GALNT13: variants seen among roughly 807,000 people sequenced by gnomAD.
GALNT13 encodes the protein polypeptide N-acetylgalactosaminyltransferase 13, also known as UDP-GalNAc:polypeptide N-acetylgalactosaminyltransferase 13.
A neutral mutation model predicts 64.2 loss-of-function variants in GALNT13; 28 were observed. That is an observed-to-expected ratio of 0.44 (90% CI 0.32 to 0.60). The LOEUF is 0.60. Ranked by LOEUF, GALNT13 falls within the 20% of genes least tolerant of loss-of-function variation. The probability of loss-of-function intolerance (pLI) is 0.05; values close to 1 mark genes in which losing one functional copy is unlikely to be tolerated. For synonymous variants in GALNT13, 214 were observed against 224.6 expected (o/e 0.95, Z 0.42); for missense variants, 577 against 669.8 (o/e 0.86, Z 1.53).
the GALNT13 span, among the ~76,000 whole-genome samples, chr2:153,106,802 A>C: frequency 6.6e-6 from 1 of 152,102 alleles, no homozygotes; most frequent in Non-Finnish European, 1.5e-5. Flanking sequence ...CTCACCTACT[A>C]TTTACAGAAA....
At chr2:153,981,985 T>C (rs1215928830) in intron 3 of GALNT13, among the ~76,000 whole-genome samples, 7 of 152,096 alleles carry the variant, frequency 4.6e-5, no homozygotes, top group Non-Finnish European at 7.3e-5. Flanking sequence ...TTGTCCTTTT[T>C]CTTGCTATGA....
chr2:153,595,858 C>G, the GALNT13 span, among the ~76,000 whole-genome samples: 1 of 152,122 alleles, frequency 6.6e-6, no homozygotes, highest in Admixed American at 6.6e-5. Flanking sequence ...TAATCTTGTT[C>G]TGAGTGTACC....
intron 4 of GALNT13, among the ~76,000 whole-genome samples, chr2:154,215,448 C>T (rs1271928801): frequency 6.6e-6 from 1 of 152,080 alleles, no homozygotes; most frequent in African/African-American, 2.4e-5. Context: ...TAACCTTTGA[C>T]CTACCTTTCC....
intron 4 of GALNT13, among the ~76,000 whole-genome samples, chr2:154,225,121 T>TAGATAGATAGAC (rs1688524750): frequency 7.1e-6 from 1 of 139,988 alleles, no homozygotes; most frequent in Non-Finnish European, 1.5e-5. Context: ...GATAGATAGA[T>TAGATAGATAGAC]AGATAGATAG....
the GALNT13 span, among the ~76,000 whole-genome samples, chr2:153,228,372 C>T: frequency 2.6e-5 from 4 of 152,076 alleles, no homozygotes; most frequent in Non-Finnish European, 5.9e-5. Context: ...CTCGAAATGC[C>T]TGCATTTAAT....
chr2:153,815,368 T>C, the GALNT13 span, among the ~76,000 whole-genome samples: 1 of 152,234 alleles, frequency 6.6e-6, no homozygotes, highest in Non-Finnish European at 1.5e-5. Flanking sequence ...TTGTTGCATA[T>C]AAACCTGATA....
intron 3 of GALNT13, among the ~76,000 whole-genome samples, chr2:154,097,381 A>C (rs2105453960): frequency 6.6e-6 from 1 of 152,224 alleles, no homozygotes; most frequent in East Asian, 1.9e-4. Context: ...ATAGGTGGGA[A>C]GAAAAGTTAA....
chr2:153,364,342 C>T, the GALNT13 span, among the ~76,000 whole-genome samples: 1 of 152,012 alleles, frequency 6.6e-6, no homozygotes, highest in Non-Finnish European at 1.5e-5. Flanking sequence ...CAAGAATGCC[C>T]TCTCTCACCA....
the GALNT13 span, among the ~76,000 whole-genome samples, chr2:153,306,643 C>A: frequency 2.0e-5 from 3 of 152,150 alleles, no homozygotes; most frequent in Non-Finnish European, 4.4e-5. Flanking sequence ...CATTCCTATA[C>A]CCTATATGCG....
At chr2:153,999,712 G>T (rs965225693) in intron 3 of GALNT13, among the ~76,000 whole-genome samples, 3 of 151,784 alleles carry the variant, frequency 2.0e-5, no homozygotes, top group Non-Finnish European at 4.4e-5. Flanking sequence ...GTCGATTCTG[G>T]TTTGCCAGTA....
chr2:154,082,640 G>T (rs1192815551), intron 3 of GALNT13, among the ~76,000 whole-genome samples: 4 of 151,770 alleles, frequency 2.6e-5, no homozygotes, highest in African/African-American at 4.8e-5. Context: ...TGAGGAAGTG[G>T]TTTCGAATCA....
the GALNT13 span, among the ~76,000 whole-genome samples, chr2:153,586,157 A>G: frequency 1.3e-5 from 2 of 152,208 alleles, no homozygotes; most frequent in East Asian, 3.9e-4. Flanking sequence ...CAAAACAACT[A>G]GAAAAAAGTT....
At chr2:154,379,490 G>A (rs1179515159) in intron 9 of GALNT13, among the ~76,000 whole-genome samples, 2 of 151,952 alleles carry the variant, frequency 1.3e-5, no homozygotes, top group Admixed American at 1.3e-4. Flanking sequence ...TATTAACATT[G>A]TCTAATAGTC....
the GALNT13 span, among the ~76,000 whole-genome samples, chr2:153,483,131 T>C: frequency 1.3e-5 from 2 of 152,156 alleles, no homozygotes; most frequent in African/African-American, 4.8e-5. Flanking sequence ...GGTGGGCATG[T>C]AAAATGGTAC....
At chr2:153,515,120 G>A in the GALNT13 span, among the ~76,000 whole-genome samples, 1 of 152,152 alleles carries the variant, frequency 6.6e-6, no homozygotes, top group African/African-American at 2.4e-5. Context: ...GAGGGATATT[G>A]TAGCCCAAAT....
the GALNT13 span, among the ~76,000 whole-genome samples, chr2:153,280,223 C>T: frequency 6.6e-6 from 1 of 151,940 alleles, no homozygotes; most frequent in African/African-American, 2.4e-5. Context: ...ATCACCTTTG[C>T]TGTTTCTAAT....
the GALNT13 span, among the ~76,000 whole-genome samples, chr2:153,268,262 G>C: frequency 6.6e-6 from 1 of 152,178 alleles, no homozygotes; most frequent in East Asian, 1.9e-4. Flanking sequence ...TCTTCCAAAT[G>C]GGAGATATTG....
intron 4 of GALNT13, among the ~76,000 whole-genome samples, chr2:154,206,884 C>A (rs984662405): frequency 2.0e-5 from 3 of 151,756 alleles, no homozygotes; most frequent in African/African-American, 7.3e-5. Context: ...TGCATTTCAC[C>A]GTGCAAATCA....
chr2:154,093,917 T>C (rs1413431599), intron 3 of GALNT13, among the ~76,000 whole-genome samples: 1 of 151,716 alleles, frequency 6.6e-6, no homozygotes, highest in African/African-American at 2.4e-5. Context: ...AAAGCTGTCA[T>C]GTAATAGGCA....
Sources: allele counts gnomAD v4.1 joint callset (sites outside exome capture counted in the v4.1 genomes callset), GRCh38; gene constraint gnomAD v4.1.1; transcripts MANE v1.5; gene names NCBI Gene and HGNC (gene_info 2026-07-23, HGNC 2026-07-21).